MTSS1: variants seen among roughly 807,000 people sequenced by gnomAD.
The protein encoded by MTSS1 is MTSS I-BAR domain containing 1.
Under a neutral mutation model 79.0 loss-of-function variants are expected in MTSS1, and 18 were observed. That is an observed-to-expected ratio of 0.23 (90% confidence interval 0.16 to 0.34). MTSS1 has a LOEUF of 0.34. Ranked by LOEUF, MTSS1 falls within the 10% of genes least tolerant of loss-of-function variation. The probability of loss-of-function intolerance (pLI) is 1.00; values close to 1 mark genes in which losing one functional copy is unlikely to be tolerated. For missense variants in MTSS1, 815 were observed against 986.2 expected, an observed-to-expected ratio of 0.83 and a Z score of 2.33; for synonymous variants, 341 against 368.6, an observed-to-expected ratio of 0.93 and a Z score of 0.86.
intron 3 of MTSS1, among the ~76,000 whole-genome samples, chr8:124,649,345 T>G (rs1214561493): frequency 1.3e-5 from 2 of 152,054 alleles, no homozygotes; most frequent in African/African-American, 4.8e-5. Flanking sequence ...TAAGGAGAGG[T>G]GTCCATCATT....
chr8:124,647,538 T>C (rs1819215871), intron 3 of MTSS1, among the ~76,000 whole-genome samples: 1 of 152,216 alleles, frequency 6.6e-6, no homozygotes, highest in Admixed American at 6.5e-5. Flanking sequence ...CCACAACTTA[T>C]TCATCCTAAA....
rs199818371 is a variant in MTSS1, at chr8:124,567,161, C to G, written c.636G>C (p.Met212Ile). 2.5e-6 allele frequency: 4 copies of G among 1,612,954 alleles called. No individual in the cohort carries two copies. Among genetic ancestry groups the G allele is most frequent in the Non-Finnish European group, 3.4e-6 (4 of 1,178,900 alleles). ...LRPVIEEEIS[M>I]LGEITHLQTI... ...TCTGAAGGTGGGTTATTTCCCCTAG[C>G]ATTGAGATTTCTTCTTCCTGAAGGA... Residue 212 changes from methionine (M) to isoleucine (I), a missense_variant, in exon 8 of 14, where the codon ATG (methionine) becomes ATC (isoleucine). By Grantham distance (10) the Met-to-Ile change is conservative. Around this residue, in one of 2 missense-constraint regions of MTSS1, gnomAD observed 225 missense variants for 365.4 expected, o/e 0.62. Transcript: ENST00000518547.
chr8:124,633,949 A>T (rs1242735911), intron 3 of MTSS1, among the ~76,000 whole-genome samples: 1 of 152,272 alleles, frequency 6.6e-6, no homozygotes, highest in African/African-American at 2.4e-5. Context: ...CAATTCATAT[A>T]ATTACTTCTC....
intron 3 of MTSS1, among the ~76,000 whole-genome samples, chr8:124,678,245 A>T (rs554499960): frequency 6.6e-6 from 1 of 152,162 alleles, no homozygotes; most frequent in East Asian, 1.9e-4. Flanking sequence ...CAGACTTAAG[A>T]TCCTGGTTCT....
At chr8:124,648,709 G>GCC (rs565378341) in intron 3 of MTSS1, among the ~76,000 whole-genome samples, 2,118 of 147,828 alleles carry the variant, frequency 0.014, 63 homozygotes, top group African/African-American at 0.05. Context: ...CCAAATAGCA[G>GCC]CCCCCCCCCA....
intron 2 of MTSS1, among the ~76,000 whole-genome samples, chr8:124,701,136 C>T (rs533484591): frequency 6.6e-6 from 1 of 152,224 alleles, no homozygotes; most frequent in Admixed American, 6.5e-5. Flanking sequence ...ACTCAGGAGG[C>T]TGAGACGGGA....
chr8:124,665,058 C>G (rs1010612290), intron 3 of MTSS1, among the ~76,000 whole-genome samples: 1 of 151,706 alleles, frequency 6.6e-6, no homozygotes, highest in Non-Finnish European at 1.5e-5. Context: ...TTTTTTTTAT[C>G]CCCATCTTAT....
chr8:124,723,475 A>G (rs12676927), intron 1 of MTSS1, among the ~76,000 whole-genome samples: 22,361 of 151,012 alleles, frequency 0.15, 2,024 homozygotes, highest in East Asian at 0.28. Flanking sequence ...GTTCCAAAAA[A>G]TTTGACTAAA....
At chr8:124,613,462 G>A (rs962046743) in intron 3 of MTSS1, among the ~76,000 whole-genome samples, 1 of 152,222 alleles carries the variant, frequency 6.6e-6, no homozygotes, top group African/African-American at 2.4e-5. Flanking sequence ...TGCAACAAAA[G>A]ACTCTCAGCT....
chr8:124,722,851 A>G (rs1363484771), intron 1 of MTSS1, among the ~76,000 whole-genome samples: 2 of 152,038 alleles, frequency 1.3e-5, no homozygotes, highest in African/African-American at 4.8e-5. Flanking sequence ...GTAATGGGGA[A>G]CTCAAAGTGA....
At chr8:124,558,808 C>A in intron 10 of MTSS1, 1 of 1,568,284 alleles carries the variant, frequency 6.4e-7, no homozygotes, top group Non-Finnish European at 8.6e-7. Flanking sequence ...TCCGAGGCTT[C>A]GGAGGAGGCC....
chr8:124,588,982 T>A (rs1274265643), intron 5 of MTSS1, among the ~76,000 whole-genome samples: 1 of 150,352 alleles, frequency 6.7e-6, no homozygotes, highest in Admixed American at 6.6e-5. Flanking sequence ...CCTGAAGTGC[T>A]GGAATTACAG....
intron 1 of MTSS1, among the ~76,000 whole-genome samples, chr8:124,724,680 A>G (rs144105228): frequency 1.4e-3 from 218 of 152,302 alleles, no homozygotes; most frequent in African/African-American, 4.9e-3. Flanking sequence ...TCCTGGTCTT[A>G]AGAACTCCCC....
intron 3 of MTSS1, among the ~76,000 whole-genome samples, chr8:124,690,318 TTC>T (rs1827738812): frequency 6.6e-6 from 1 of 152,142 alleles, no homozygotes; most frequent in South Asian, 2.1e-4. Flanking sequence ...GAGCAAGACT[TTC>T]TCTCTGTTAG....
At chr8:124,585,507 C>T (rs1274367158) in intron 5 of MTSS1, among the ~76,000 whole-genome samples, 3 of 151,940 alleles carry the variant, frequency 2.0e-5, no homozygotes, top group East Asian at 1.9e-4. Context: ...CTCCACCTCC[C>T]GAGTTCAAGC....
chr8:124,577,113 A>G (rs879265048), intron 6 of MTSS1, among the ~76,000 whole-genome samples: 1 of 152,226 alleles, frequency 6.6e-6, no homozygotes. Context: ...GCAAAGGAAG[A>G]GTTCACAGCT....
chr8:124,641,059 C>CA (rs1167541338), intron 3 of MTSS1, among the ~76,000 whole-genome samples: 1,853 of 131,828 alleles, frequency 0.014, 26 homozygotes, highest in African/African-American at 0.042. Context: ...GTACATGTGG[C>CA]AAAAAAAAAA....
rs1002180200 is a variant in MTSS1, at chr8:124,727,759, C to T, written c.72+125G>A. On this transcript the variant is annotated intron_variant, in intron 1 of 13. Coordinates refer to ENST00000518547, the MANE Select transcript of MTSS1 (RefSeq NM_014751.6). This position sits in a 1 kb window ranked among gnomAD's most constrained non-coding sequence, Gnocchi z 4.7. ...GCAGGTGACACTCCGGCCGGGAGCT[C>T]CCGCAGGTGGCCGGTGGCCACACTG... The T allele has an allele frequency of 3.7e-5, 30 of 816,186 alleles. No homozygotes were observed. The highest frequency in any genetic ancestry group is 7.2e-5 in the African/African-American group (4 of 55,244). The allele number at this position is 816,186 out of a possible 1,614,324, so 50.6% of individuals were successfully genotyped here. A position where few individuals can be genotyped will look rare whatever the true frequency, so the allele number is the denominator to read the frequency against.
chr8:124,617,139 G>A (rs1190303240), intron 3 of MTSS1, among the ~76,000 whole-genome samples: 2 of 152,172 alleles, frequency 1.3e-5, no homozygotes, highest in Non-Finnish European at 2.9e-5. Context: ...GTCAGACTTC[G>A]AGTCCATGCC....
Sources: allele counts gnomAD v4.1 joint callset (sites outside exome capture counted in the v4.1 genomes callset), GRCh38; gene constraint gnomAD v4.1.1; regional missense constraint gnomAD v4.1.1; non-coding constraint Gnocchi (gnomAD v3.1); transcripts MANE v1.5; gene names NCBI Gene and HGNC (gene_info 2026-07-23, HGNC 2026-07-21).